UCHL5: variants seen among roughly 807,000 people sequenced by gnomAD.
UCHL5 encodes ubiquitin C-terminal hydrolase L5.
A neutral mutation model predicts 53.8 loss-of-function variants in UCHL5; 34 were observed. The ratio of observed to expected loss-of-function variants is 0.63; its 90% CI spans 0.48 to 0.84. The LOEUF is 0.84. Among genes scored for constraint, UCHL5 ranks in the 40% least tolerant of loss-of-function variants. The pLI, the probability that UCHL5 is intolerant of heterozygous loss-of-function variation, is 0.00. For missense variants in UCHL5, 290 were observed against 385.6 expected (o/e 0.75, Z 2.08); for synonymous variants, 111 against 126.3 (o/e 0.88, Z 0.81).
chr1:193,022,473 A>T (rs1398028052), intron 9 of UCHL5, among the ~76,000 whole-genome samples: 4 of 152,268 alleles, frequency 2.6e-5, no homozygotes, highest in Admixed American at 2.0e-4. Flanking sequence ...CAGCATGGCC[A>T]ACATGGCAAA....
rs139300768 is a variant in UCHL5 at position 193,044,840 on chromosome 1, G to A, written c.246+4906C>T. On this transcript the variant is annotated intron_variant, in intron 3 of 10. Transcript: ENST00000367454. ...GCTTATAGGAGGCATATACTAAAAA[G>A]ACTGACAGATATTAATGGGGAATTA... is the stretch of plus-strand genomic sequence containing the variant. Among the ~76,000 whole-genome samples, 444 of 152,190 alleles carry A rather than the reference G, an allele frequency of 2.9e-3. 5 individuals carry two copies. The highest frequency in any genetic ancestry group is 0.01 in the African/African-American group (428 of 41,520).
intron 10 of UCHL5, chr1:193,018,619 T>C (rs1339354563): frequency 2.4e-6 from 3 of 1,250,588 alleles, no homozygotes; most frequent in Non-Finnish European, 3.0e-6. Context: ...GGAGAATCAC[T>C]TTTTATTTAT....
chr1:193,043,151 T>TTAAAAAAAAAATAAAAAAAA (rs1553255148), intron 3 of UCHL5, among the ~76,000 whole-genome samples: 1 of 36,376 alleles, frequency 2.7e-5, no homozygotes, highest in Non-Finnish European at 5.6e-5. Flanking sequence ...TCTTGAATAT[T>TTAAAAAAAAAATAAAAAAAA]AAAAAAAAAA....
chr1:193,012,851 T>C lies in UCHL5; in HGVS notation c.*3500A>G, dbSNP rs1411121587. The C allele has an allele frequency of 3.3e-5, 5 of 152,302 alleles. 1 individual carries two copies. In the South Asian group the frequency reaches 8.3e-4, roughly 25 times the overall value. The allele number at this position is 152,302 out of a possible 1,614,324, so 9.4% of individuals were successfully genotyped here. ...TACCTCATAAGATTGGCTGAATAAA[T>C]CACTGAATAGTTTTCAAAAAGTTAA... On this transcript the variant is annotated 3_prime_UTR_variant, in exon 11 of 11. Coordinates refer to ENST00000367454, the MANE Select transcript of UCHL5 (RefSeq NM_001199261.3).
chr1:193,042,694 C>A (rs866079850), intron 3 of UCHL5, among the ~76,000 whole-genome samples: 4 of 152,328 alleles, frequency 2.6e-5, no homozygotes, highest in Non-Finnish European at 4.4e-5. Flanking sequence ...ATTCCCAACA[C>A]TGGAGCCAAA....
chr1:193,035,377 C>T, intron 3 of UCHL5, among the ~76,000 whole-genome samples: 1 of 151,798 alleles, frequency 6.6e-6, no homozygotes, highest in East Asian at 1.9e-4. Context: ...AAAGGTGCTT[C>T]AATTCATCTA....
At chr1:193,031,376 T>A (rs2102490322) in intron 3 of UCHL5, among the ~76,000 whole-genome samples, 1 of 152,276 alleles carries the variant, frequency 6.6e-6, no homozygotes, top group East Asian at 1.9e-4. Context: ...TATCAAACAT[T>A]TCTATAATCT....
At chr1:193,024,440 A>G (rs1658381227) in intron 7 of UCHL5, among the ~76,000 whole-genome samples, 1 of 151,450 alleles carries the variant, frequency 6.6e-6, no homozygotes, top group Non-Finnish European at 1.5e-5. Flanking sequence ...GAGCTCAGAA[A>G]AAAACAAATG....
intron 1 of UCHL5, 28 bp from the exon 2 acceptor site, chr1:193,051,845 A>G: frequency 2.0e-6 from 3 of 1,504,998 alleles, no homozygotes; most frequent in Non-Finnish European, 2.7e-6. Context: ...TTTCTTCAGT[A>G]AACAGGATAA....
chr1:193,038,890 G>T (rs1309053231), intron 3 of UCHL5, among the ~76,000 whole-genome samples: 3 of 152,070 alleles, frequency 2.0e-5, no homozygotes, highest in Admixed American at 2.0e-4. Flanking sequence ...TAGCTACTCG[G>T]GAGGCTGAGG....
intron 3 of UCHL5, among the ~76,000 whole-genome samples, chr1:193,040,918 C>A (rs1256964471): frequency 6.6e-6 from 1 of 152,086 alleles, no homozygotes; most frequent in Admixed American, 6.5e-5. Context: ...TGTTCTCACT[C>A]ACATGTGAAA....
intron 3 of UCHL5, among the ~76,000 whole-genome samples, chr1:193,046,446 C>T (rs1667348308): frequency 6.6e-6 from 1 of 151,850 alleles, no homozygotes; most frequent in African/African-American, 2.4e-5. Context: ...GTGTTGTGAT[C>T]AGGTTAATAG....
chr1:193,058,111 C>G (rs1671303814), intron 1 of UCHL5, among the ~76,000 whole-genome samples: 1 of 151,918 alleles, frequency 6.6e-6, no homozygotes, highest in South Asian at 2.1e-4. Context: ...CCTGTAATCC[C>G]AGCTACTCGG....
At chr1:193,026,112 C>T (rs986760174) in intron 7 of UCHL5, among the ~76,000 whole-genome samples, 13 of 150,066 alleles carry the variant, frequency 8.7e-5, no homozygotes, top group Admixed American at 8.0e-4. Flanking sequence ...AAAAATGACC[C>T]GTGATCTAAA....
intron 3 of UCHL5, among the ~76,000 whole-genome samples, chr1:193,036,317 C>CAA (rs960496083): frequency 0.02 from 1,026 of 50,794 alleles, 15 homozygotes; most frequent in African/African-American, 0.029. Flanking sequence ...AACTGGAAAC[C>CAA]AAAAAAAAAA....
At position 193,012,342 on chromosome 1, in the gene UCHL5, G is replaced by A. The variant is rs1238485600; in HGVS notation, c.*4009C>T. On this transcript the variant is annotated 3_prime_UTR_variant, in exon 11 of 11. Transcript: ENST00000367454. ...CATATTACATAAAATATATGGATAA[G>A]CTAAAAAGTAAATAGAGCAGTAGTC... 1 of 152,158 alleles carries A rather than the reference G, an allele frequency of 6.6e-6. No individual in the cohort carries two copies. The highest frequency in any genetic ancestry group is 1.5e-5 in the Non-Finnish European group (1 of 68,028). The allele number at this position is 152,158 out of a possible 1,614,324, so 9.4% of individuals were successfully genotyped here. A position where few individuals can be genotyped will look rare whatever the true frequency, so the allele number is the denominator to read the frequency against.
At position 193,058,064 on chromosome 1, in the gene UCHL5, T is replaced by TAA. The variant is rs541080246; in HGVS notation, c.76+1119_76+1120dup. Among the ~76,000 whole-genome samples, 493 of 143,460 alleles carry TAA rather than the reference T, an allele frequency of 3.4e-3. 3 individuals carry two copies. The highest frequency in any genetic ancestry group is 0.011 in the African/African-American group (449 of 39,300). 94.1% of individuals were successfully genotyped at this position (143,460 alleles called of 152,430 possible). ...CAGCATGGTGAAACCCTGTCTCTAC[T>TAA]AAAAAAAAAAAAATTAGCCGGGCAT... is the stretch of plus-strand genomic sequence containing the variant. On this transcript the variant is annotated intron_variant, in intron 1 of 10. Transcript: ENST00000367454.
chr1:193,030,653 T>G (rs1558056772), intron 3 of UCHL5, among the ~76,000 whole-genome samples: 1 of 152,206 alleles, frequency 6.6e-6, no homozygotes, highest in Non-Finnish European at 1.5e-5. Flanking sequence ...CCTACTACAG[T>G]ATTATGTTAC....
chr1:193,046,978 C>T (rs1353901995), intron 3 of UCHL5, among the ~76,000 whole-genome samples: 7 of 151,858 alleles, frequency 4.6e-5, no homozygotes, highest in Non-Finnish European at 8.8e-5. Flanking sequence ...ACTTGGAGTT[C>T]TGGATGTACT....
Sources: allele counts gnomAD v4.1 joint callset (sites outside exome capture counted in the v4.1 genomes callset), GRCh38; gene constraint gnomAD v4.1.1; transcripts MANE v1.5; gene names NCBI Gene and HGNC (gene_info 2026-07-23, HGNC 2026-07-21).